The following SNTG1 variants were observed in gnomAD, a reference collection of about 807,000 sequenced individuals.
SNTG1 encodes the protein gamma-1-syntrophin.
SNTG1 carries 39 observed loss-of-function variants against 74.7 expected under a neutral mutation model. That is an observed-to-expected ratio of 0.52 (90% CI 0.40 to 0.68). The LOEUF is 0.68. Ranked by LOEUF, SNTG1 falls within the 30% of genes least tolerant of loss-of-function variation. The pLI is 0.00. For missense variants in SNTG1, 685 were observed against 609.5 expected (o/e 1.12, Z -1.30); for synonymous variants, 254 against 217.1 (o/e 1.17, Z -1.49).
At chr8:49,974,232 T>G (rs1811978340) in intron 1 of SNTG1, among the ~76,000 whole-genome samples, 1 of 152,196 alleles carries the variant, frequency 6.6e-6, no homozygotes, top group Non-Finnish European at 1.5e-5. Flanking sequence ...CCTTAGAGTT[T>G]TAATCTTTTC....
At chr8:50,562,338 G>T (rs935905891) in intron 12 of SNTG1, among the ~76,000 whole-genome samples, 5 of 152,172 alleles carry the variant, frequency 3.3e-5, no homozygotes, top group Non-Finnish European at 7.3e-5. Flanking sequence ...ATCCAAGTGG[G>T]TCTAATGTGA....
At chr8:49,915,791 G>C (rs1334475169) in intron 1 of SNTG1, among the ~76,000 whole-genome samples, 1 of 152,174 alleles carries the variant, frequency 6.6e-6, no homozygotes, top group Admixed American at 6.5e-5. Flanking sequence ...AGCATGGAGT[G>C]AAATGTGGAC....
chr8:50,741,614 T>G (rs564583901), intron 17 of SNTG1, among the ~76,000 whole-genome samples: 9 of 152,090 alleles, frequency 5.9e-5, no homozygotes, highest in African/African-American at 2.2e-4. Flanking sequence ...TGCCCAAACA[T>G]GGAAACAACC....
chr8:50,734,300 T>C (rs964052894), intron 17 of SNTG1, among the ~76,000 whole-genome samples: 1 of 151,766 alleles, frequency 6.6e-6, no homozygotes, highest in Non-Finnish European at 1.5e-5. Flanking sequence ...GTAGTATTTA[T>C]ATAGAGACTG....
intron 1 of SNTG1, chr8:50,163,456 C>A (rs1274149481): frequency 6.9e-6 from 1 of 145,162 alleles, no homozygotes; most frequent in South Asian, 2.2e-4. Flanking sequence ...TTACAAATTT[C>A]TCTTCAGGAA....
At chr8:50,429,525 A>C (rs1184601121) in intron 4 of SNTG1, among the ~76,000 whole-genome samples, 1 of 152,160 alleles carries the variant, frequency 6.6e-6, no homozygotes, top group Non-Finnish European at 1.5e-5. Context: ...AAAACTATTA[A>C]AACTCAGAAG....
chr8:50,585,114 C>T (rs977863688), intron 12 of SNTG1, among the ~76,000 whole-genome samples: 1 of 152,154 alleles, frequency 6.6e-6, no homozygotes, highest in African/African-American at 2.4e-5. Flanking sequence ...GCTTTGGCAG[C>T]TGTCTGAAAA....
chr8:50,325,746 A>G (rs77183278), intron 2 of SNTG1, among the ~76,000 whole-genome samples: 8,994 of 152,168 alleles, frequency 0.059, 302 homozygotes, highest in Non-Finnish European at 0.071. Flanking sequence ...ACATAGTATT[A>G]CATTAGCTAG....
intron 1 of SNTG1, among the ~76,000 whole-genome samples, chr8:50,055,642 T>C (rs977030776): frequency 6.6e-6 from 1 of 152,072 alleles, no homozygotes; most frequent in African/African-American, 2.4e-5. Context: ...AAAAGAAATG[T>C]TGTCTGTAAA....
At chr8:50,341,220 C>A (rs985156066) in intron 2 of SNTG1, among the ~76,000 whole-genome samples, 1 of 151,782 alleles carries the variant, frequency 6.6e-6, no homozygotes, top group Non-Finnish European at 1.5e-5. Context: ...ATATTTAACC[C>A]AGTACTCCTT....
intron 2 of SNTG1, among the ~76,000 whole-genome samples, chr8:50,194,641 G>T (rs2083697512): frequency 6.6e-6 from 1 of 151,654 alleles, no homozygotes; most frequent in Non-Finnish European, 1.5e-5. Flanking sequence ...TTTATTTTTT[G>T]TACTTCTTTT....
intron 2 of SNTG1, among the ~76,000 whole-genome samples, chr8:50,257,106 G>T (rs773091852): frequency 1.2e-4 from 19 of 152,016 alleles, no homozygotes; most frequent in Non-Finnish European, 2.6e-4. Context: ...CCCACCAGCA[G>T]AAGAGGCACA....
chr8:50,616,824 T>G (rs1196007090), intron 13 of SNTG1, among the ~76,000 whole-genome samples: 2 of 152,218 alleles, frequency 1.3e-5, no homozygotes, highest in Non-Finnish European at 2.9e-5. Flanking sequence ...AGGCTTTAAA[T>G]ACCCTGCCTT....
At chr8:50,348,379 C>T (rs991399520) in intron 2 of SNTG1, among the ~76,000 whole-genome samples, 23 of 152,282 alleles carry the variant, frequency 1.5e-4, no homozygotes, top group African/African-American at 5.5e-4. Flanking sequence ...GCACCCACCC[C>T]CACTACCCGC....
chr8:50,507,210 T>G (rs1415614546), intron 9 of SNTG1, among the ~76,000 whole-genome samples: 6 of 152,066 alleles, frequency 3.9e-5, no homozygotes, highest in Non-Finnish European at 8.8e-5. Flanking sequence ...ATCTTTTAAA[T>G]TTGTAGTTGA....
chr8:50,177,300 T>G (rs2083034956), intron 2 of SNTG1, among the ~76,000 whole-genome samples: 1 of 152,174 alleles, frequency 6.6e-6, no homozygotes, highest in East Asian at 1.9e-4. Context: ...ATCTGCTCAG[T>G]CCTGCCTTCT....
intron 2 of SNTG1, among the ~76,000 whole-genome samples, chr8:50,267,054 A>C (rs1200903135): frequency 6.6e-6 from 1 of 152,062 alleles, no homozygotes; most frequent in East Asian, 1.9e-4. Context: ...ACATACTTTA[A>C]ATTCTTAAAA....
At chr8:50,253,422 TTAAATAAA>T (rs57078517) in intron 2 of SNTG1, among the ~76,000 whole-genome samples, 1 of 148,912 alleles carries the variant, frequency 6.7e-6, no homozygotes, top group Non-Finnish European at 1.5e-5. Flanking sequence ...AAACTCCGTC[TTAAATAAA>T]TAAATAAATA....
At chr8:50,150,135 A>G (rs1436079991) in intron 1 of SNTG1, among the ~76,000 whole-genome samples, 1 of 151,920 alleles carries the variant, frequency 6.6e-6, no homozygotes, top group African/African-American at 2.4e-5. Context: ...ATTCCTAGGT[A>G]TTTTATTCTC....
Sources: allele counts gnomAD v4.1 joint callset (sites outside exome capture counted in the v4.1 genomes callset), GRCh38; gene constraint gnomAD v4.1.1; transcripts MANE v1.5; gene names NCBI Gene and HGNC (gene_info 2026-07-23, HGNC 2026-07-21).